Variants in COL27A1 observed in about 807,000 individuals in gnomAD.
The protein encoded by COL27A1 is collagen alpha-1(XXVII) chain.
Under a neutral mutation model 251.3 loss-of-function variants are expected in COL27A1, and 106 were observed. The ratio of observed to expected loss-of-function variants is 0.42; its 90% CI spans 0.36 to 0.50. The LOEUF (loss-of-function observed/expected upper bound fraction) is 0.50. COL27A1 is among the 20% of genes least tolerant of loss of function. COL27A1 has a pLI of 0.00. For missense variants in COL27A1, 2,325 were observed against 2,522.8 expected, an observed-to-expected ratio of 0.92 and a Z score of 1.68; for synonymous variants, 1,000 against 986.3, an observed-to-expected ratio of 1.01 and a Z score of -0.26.
chr9:114,301,628 G>GA, intron 54 of COL27A1, 54 bp from the exon 55 acceptor site: 1 of 1,558,116 alleles, frequency 6.4e-7, no homozygotes, highest in Admixed American at 1.8e-5. Context: ...CTGGGTTGGG[G>GA]AGAGATGAAG....
chr9:114,219,530 T>C (rs1378994963), intron 12 of COL27A1, among the ~76,000 whole-genome samples: 7 of 152,208 alleles, frequency 4.6e-5, no homozygotes, highest in African/African-American at 1.4e-4. Flanking sequence ...GAATAGGGGA[T>C]TGGCATTTTC....
chr9:114,295,875 CA>C, intron 49 of COL27A1, among the ~76,000 whole-genome samples: 1 of 152,230 alleles, frequency 6.6e-6, no homozygotes, highest in African/African-American at 2.4e-5. Flanking sequence ...CTTGAATTCC[CA>C]ACCTCAGGTG....
At chr9:114,282,189 G>A (rs1455441014) in intron 37 of COL27A1, 88 bp from the exon 38 acceptor site, 2 of 1,252,058 alleles carry the variant, frequency 1.6e-6, no homozygotes, top group Non-Finnish European at 2.3e-6. Flanking sequence ...TCTGCCTCCA[G>A]AGCCGACAGT....
intron 3 of COL27A1, 110 bp downstream of exon 3, chr9:114,169,573 G>GA: frequency 1.1e-6 from 1 of 892,042 alleles, no homozygotes; most frequent in East Asian, 2.5e-5. Context: ...TTAGAGCAGG[G>GA]AGCTGGTTAT....
Position 114,264,908 on chromosome 9 carries a change from G to A in COL27A1, c.3250-16G>A, listed in dbSNP as rs1288175084. On this transcript the variant is annotated splice_polypyrimidine_tract_variant and intron_variant, in intron 29 of 60. Coordinates refer to ENST00000356083, the MANE Select transcript of COL27A1 (RefSeq NM_032888.4). The stretch of plus-strand genomic sequence containing the variant: ...CAAGCACCCTCTCCCACCTTCACGT[G>A]CTCTGCTTCCCACAGGGCCCTCCAG... The A allele has an allele frequency of 6.2e-7, 1 of 1,609,580 alleles. No individual in the cohort carries two copies. Among genetic ancestry groups the A allele is most frequent in the Non-Finnish European group, 8.5e-7 (1 of 1,177,256 alleles).
At chr9:114,296,947 TA>T (rs1202549277) in intron 49 of COL27A1, among the ~76,000 whole-genome samples, 1 of 152,158 alleles carries the variant, frequency 6.6e-6, no homozygotes, top group African/African-American at 2.4e-5. Context: ...AGAACTCAGA[TA>T]AAAAATAGTA....
chr9:114,289,430 C>T (rs760614474), intron 45 of COL27A1, 135 bp downstream of exon 45: 35 of 761,662 alleles, frequency 4.6e-5, no homozygotes, highest in Admixed American at 3.2e-4. Flanking sequence ...ACCAGGAGCC[C>T]GGCAGGCTGC....
At chr9:114,211,428 G>A (rs1002530913) in intron 12 of COL27A1, among the ~76,000 whole-genome samples, 5 of 152,214 alleles carry the variant, frequency 3.3e-5, no homozygotes, top group Non-Finnish European at 7.3e-5. Context: ...GGTGTCATCC[G>A]GCTCTGTCCA....
chr9:114,302,344 T>C (rs561364930), intron 56 of COL27A1, among the ~76,000 whole-genome samples: 18 of 152,298 alleles, frequency 1.2e-4, no homozygotes, highest in African/African-American at 4.3e-4. Context: ...TCCGGGAAGA[T>C]GCTCCAGCCA....
chr9:114,211,062 C>T lies in COL27A1; in HGVS notation c.2367+36C>T, dbSNP rs778851408. The T allele has an allele frequency of 3.2e-5, 51 of 1,609,204 alleles. No homozygotes were observed. In the South Asian group the frequency reaches 3.7e-4, roughly 12 times the overall value. ...TCCGTGTCTATTACGCAGACTCTAGCGGGGAACCCCACCTCCCACGGCCAC... is the reference window on the plus strand; with the variant it reads ...TCCGTGTCTATTACGCAGACTCTAGTGGGGAACCCCACCTCCCACGGCCAC... On this transcript the variant is annotated intron_variant, in intron 12 of 60. Coordinates refer to ENST00000356083, the MANE Select transcript of COL27A1 (RefSeq NM_032888.4).
At position 114,206,253 on chromosome 9, in the gene COL27A1, G is replaced by T. The variant is rs778667263; in HGVS notation, c.2225G>T (p.Gly742Val). Residue 742 changes from glycine to valine, a missense_variant and splice_region_variant, in exon 10 of 61, where the codon GGG becomes GTG. Around this residue, in one of 4 missense-constraint regions of COL27A1, gnomAD observed 1,183 missense variants for 1,144.1 expected, o/e 1.03. Transcript: ENST00000356083. The stretch of plus-strand genomic sequence containing the variant: ...GCCCCTCTGTGTTTTGTGTTTCAGG[G>T]GTTACCTGGACCGGTAGGAGATCCC... The part of the protein sequence containing the change: ...PGAKGYPGRQ[G>V]LPGPVGDPGP... 5.6e-6 allele frequency: 9 copies of T among 1,613,994 alleles called. No individual in the cohort carries two copies. The highest frequency in any genetic ancestry group is 7.6e-6 in the Non-Finnish European group (9 of 1,179,988).
At chr9:114,231,924 G>T (rs755999399) in intron 16 of COL27A1, 58 bp downstream of exon 16, 4 of 1,549,324 alleles carry the variant, frequency 2.6e-6, no homozygotes, top group Non-Finnish European at 3.6e-6. Context: ...CCCCCTCTCC[G>T]CCCGGAGGCT....
intron 7 of COL27A1, 80 bp downstream of exon 7, chr9:114,196,092 C>T: frequency 8.2e-7 from 1 of 1,224,110 alleles, no homozygotes; most frequent in Non-Finnish European, 1.2e-6. Context: ...AGCTGTGGGC[C>T]CACCTGCCTC....
intron 27 of COL27A1, among the ~76,000 whole-genome samples, chr9:114,255,641 C>A (rs1833866687): frequency 6.6e-6 from 1 of 152,192 alleles, no homozygotes; most frequent in Non-Finnish European, 1.5e-5. Context: ...GTGCTTCCCC[C>A]TCTTCAGTGG....
chr9:114,280,282 A>C lies in COL27A1; in HGVS notation c.3718-1995A>C, dbSNP rs905552027. ...GCTGGAGTGCGGTGGTGCTCACTGCAATCTCCACCTCCCAGGTTCAAGAAA... is the reference window on the plus strand; with the variant it reads ...GCTGGAGTGCGGTGGTGCTCACTGCCATCTCCACCTCCCAGGTTCAAGAAA... On this transcript the variant is annotated intron_variant, in intron 37 of 60. Transcript: ENST00000356083. 5.9e-5 allele frequency among the ~76,000 whole-genome samples: 9 copies of C among 151,862 alleles called. No individual in the cohort carries two copies. In the East Asian group the frequency reaches 1.6e-3, roughly 26 times the overall value.
intron 57 of COL27A1, 145 bp downstream of exon 57, chr9:114,304,818 T>C (rs562377563): frequency 1.0e-5 from 7 of 695,496 alleles, no homozygotes; most frequent in South Asian, 5.3e-5. Context: ...CATCCACAAA[T>C]GGGGGTTTGT....
chr9:114,250,163 G>C (rs996544061), intron 24 of COL27A1, among the ~76,000 whole-genome samples: 3 of 152,154 alleles, frequency 2.0e-5, no homozygotes, highest in African/African-American at 7.2e-5. Flanking sequence ...CCGCCTCCCC[G>C]ATTCCAATCA....
chr9:114,304,977 T>G (rs1828929720), intron 57 of COL27A1, among the ~76,000 whole-genome samples: 2 of 152,212 alleles, frequency 1.3e-5, no homozygotes, highest in South Asian at 4.1e-4. Context: ...GGGAGAAGCT[T>G]GCCTGGGCCC....
chr9:114,228,547 G>A (rs1349104403), intron 14 of COL27A1, among the ~76,000 whole-genome samples: 3 of 152,182 alleles, frequency 2.0e-5, no homozygotes, highest in African/African-American at 7.2e-5. Flanking sequence ...TAGAAGCTCT[G>A]GAGACAGGCT....
Sources: allele counts gnomAD v4.1 joint callset (sites outside exome capture counted in the v4.1 genomes callset), GRCh38; gene constraint gnomAD v4.1.1; regional missense constraint gnomAD v4.1.1; transcripts MANE v1.5; gene names NCBI Gene and HGNC (gene_info 2026-07-23, HGNC 2026-07-21).